Variants in PDS5A observed in about 807,000 individuals in gnomAD.
PDS5A encodes sister chromatid cohesion protein PDS5 homolog A.
PDS5A carries 42 observed loss-of-function variants against 167.1 expected under a neutral mutation model. That is an observed-to-expected ratio of 0.25 (90% confidence interval 0.20 to 0.33). The LOEUF (loss-of-function observed/expected upper bound fraction) is 0.33, where lower values mean the gene tolerates loss of function less well. PDS5A is among the 10% of genes least tolerant of loss of function. The pLI, the probability that PDS5A is intolerant of heterozygous loss-of-function variation, is 1.00. For missense variants in PDS5A, 1,033 were observed against 1,605.9 expected (o/e 0.64, Z 6.10); for synonymous variants, 553 against 554.6 (o/e 1.00, Z 0.04).
chr4:39,976,810 C>T (rs1357912353), intron 1 of PDS5A, among the ~76,000 whole-genome samples, 193 bp from the exon 2 acceptor site: 2 of 152,210 alleles, frequency 1.3e-5, no homozygotes, highest in Non-Finnish European at 2.9e-5. Context: ...CAGCCCCAGG[C>T]TCACGGGGCT....
At chr4:39,957,857 TAA>T (rs1275314974) in intron 2 of PDS5A, among the ~76,000 whole-genome samples, 2 of 150,330 alleles carry the variant, frequency 1.3e-5, no homozygotes, top group South Asian at 4.2e-4. Context: ...GACATGAGGC[TAA>T]AAAAAGACTC....
chr4:39,864,323 A>T (rs1241683062), intron 23 of PDS5A, among the ~76,000 whole-genome samples: 1 of 152,148 alleles, frequency 6.6e-6, no homozygotes, highest in Non-Finnish European at 1.5e-5. Context: ...AAATACCTAA[A>T]GGATATGAAA....
At chr4:39,885,694 C>T (rs1285541452) in intron 17 of PDS5A, among the ~76,000 whole-genome samples, 3 of 152,050 alleles carry the variant, frequency 2.0e-5, no homozygotes, top group African/African-American at 7.2e-5. Context: ...GTGGGTGGAT[C>T]GCTTAGGTCC....
intron 20 of PDS5A, among the ~76,000 whole-genome samples, chr4:39,873,915 G>A (rs1578647485): frequency 6.6e-6 from 1 of 152,194 alleles, no homozygotes; most frequent in South Asian, 2.1e-4. Context: ...CATGGTGGTG[G>A]TGCCTGTACT....
chr4:39,955,639 G>A (rs1400463961), intron 2 of PDS5A, among the ~76,000 whole-genome samples: 4 of 151,920 alleles, frequency 2.6e-5, no homozygotes, highest in African/African-American at 9.7e-5. Context: ...TACCACTCTG[G>A]AAGGTGACTG....
At chr4:39,957,743 T>TA (rs1729078508) in intron 2 of PDS5A, among the ~76,000 whole-genome samples, 1 of 133,202 alleles carries the variant, frequency 7.5e-6, no homozygotes, top group African/African-American at 2.9e-5. Context: ...GCTGAGACTG[T>TA]ACCACTGCAC....
chr4:39,869,325 G>A, intron 22 of PDS5A, 69 bp downstream of exon 22: 1 of 934,574 alleles, frequency 1.1e-6, no homozygotes, highest in Non-Finnish European at 1.8e-6. Context: ...ATTTTTTAAA[G>A]GTGAGGAAGA....
Position 39,866,840 on chromosome 4 carries a change from GGAAA to G in PDS5A, c.2642+17_2642+20del, listed in dbSNP as rs1719500323. On this transcript the variant is annotated intron_variant, in intron 23 of 32. Coordinates refer to ENST00000303538, the MANE Select transcript of PDS5A (RefSeq NM_001100399.2). ...CCAAAATTTCAGCACTAAGAAAACTGGAAAGAAAGAAAAATCTCACCTGATCCTC... is the reference window on the plus strand; with the variant it reads ...CCAAAATTTCAGCACTAAGAAAACTGGAAAGAAAAATCTCACCTGATCCTC... 13 of 1,590,590 alleles carry G rather than the reference GGAAA, an allele frequency of 8.2e-6. No individual in the cohort carries two copies. Among genetic ancestry groups the G allele is most frequent in the Non-Finnish European group, 1.1e-5 (13 of 1,169,512 alleles).
chr4:39,972,297 G>A (rs1162329953), intron 2 of PDS5A, among the ~76,000 whole-genome samples: 4 of 152,122 alleles, frequency 2.6e-5, no homozygotes, highest in African/African-American at 9.7e-5. Context: ...CGAGGTGGGC[G>A]GATCACGAGG....
intron 13 of PDS5A, among the ~76,000 whole-genome samples, chr4:39,901,469 C>T (rs1418009796): frequency 1.3e-5 from 2 of 151,932 alleles, no homozygotes; most frequent in Admixed American, 1.3e-4. Context: ...GGGGTTTCAC[C>T]ATGTTGGCCA....
At chr4:39,974,729 A>G (rs544727872) in intron 2 of PDS5A, among the ~76,000 whole-genome samples, 185 of 151,444 alleles carry the variant, frequency 1.2e-3, no homozygotes, top group African/African-American at 4.4e-3. Context: ...TTTTAGTAGA[A>G]CTCCAGACCT....
chr4:39,943,180 A>G (rs1412758116), intron 2 of PDS5A, among the ~76,000 whole-genome samples: 1 of 151,928 alleles, frequency 6.6e-6, no homozygotes, highest in East Asian at 1.9e-4. Context: ...GCACGCACAC[A>G]TATATACATA....
chr4:39,973,516 G>T, intron 2 of PDS5A: 1 of 1,297,880 alleles, frequency 7.7e-7, no homozygotes, highest in Non-Finnish European at 1.1e-6. Flanking sequence ...TCTCCAGAAA[G>T]AGTTTTCTCC....
At chr4:39,956,300 C>T (rs981961621) in intron 2 of PDS5A, among the ~76,000 whole-genome samples, 3 of 151,442 alleles carry the variant, frequency 2.0e-5, no homozygotes, top group Non-Finnish European at 4.4e-5. Context: ...GAGACTAGCC[C>T]GGCCAACATG....
intron 2 of PDS5A, among the ~76,000 whole-genome samples, chr4:39,963,849 G>T (rs146464516): frequency 8.6e-5 from 13 of 151,872 alleles, no homozygotes; most frequent in Admixed American, 3.9e-4. Context: ...AAGCGGGGGT[G>T]GGGGAGAGGG....
At position 39,842,938 on chromosome 4, in the gene PDS5A, T is replaced by TA. The variant is rs1349599395; in HGVS notation, c.3549-883_3549-882insT. On this transcript the variant is annotated intron_variant, in intron 30 of 32. Coordinates refer to ENST00000303538, the MANE Select transcript of PDS5A (RefSeq NM_001100399.2). ...ATATATATATATATATATATATATA[T>TA]TTTAAGAGACAGGGTCTTAGGCTGA... Among the ~76,000 whole-genome samples, 98 of 133,030 alleles carry TA rather than the reference T, an allele frequency of 7.4e-4. 1 individual carries two copies. Among genetic ancestry groups the TA allele is most frequent in the Middle Eastern group, 4.0e-3 (1 of 250 alleles). 87.3% of individuals were successfully genotyped at this position (133,030 alleles called of 152,430 possible).
intron 29 of PDS5A, among the ~76,000 whole-genome samples, chr4:39,845,376 C>T (rs1443817676): frequency 6.6e-6 from 1 of 152,024 alleles, no homozygotes; most frequent in Non-Finnish European, 1.5e-5. Context: ...ATAATAAATG[C>T]TCCTATAAAT....
intron 26 of PDS5A, among the ~76,000 whole-genome samples, chr4:39,857,984 TAG>T (rs1560431742): frequency 6.6e-6 from 1 of 152,010 alleles, no homozygotes; most frequent in East Asian, 1.9e-4. Flanking sequence ...ATAAAATGTT[TAG>T]AAATAAATTT....
intron 2 of PDS5A, among the ~76,000 whole-genome samples, chr4:39,959,112 T>C (rs1729239754): frequency 6.6e-6 from 1 of 152,128 alleles, no homozygotes; most frequent in South Asian, 2.1e-4. Flanking sequence ...TCCAACCACA[T>C]AATTGGCACT....
Sources: gnomAD v4.1 joint callset for allele counts (sites outside exome capture counted in the v4.1 genomes callset) on GRCh38, gnomAD v4.1.1 for gene constraint, MANE v1.5 for transcripts, NCBI Gene and HGNC (gene_info 2026-07-23, HGNC 2026-07-21) for gene names.